PPP3R1: variants seen among roughly 807,000 people sequenced by gnomAD.
PPP3R1 encodes calcineurin subunit B type 1.
PPP3R1 carries 5 observed loss-of-function variants against 22.6 expected under a neutral mutation model. The ratio of observed to expected loss-of-function variants is 0.22; its 90% CI spans 0.12 to 0.46. PPP3R1 has a LOEUF of 0.46. PPP3R1 is among the 20% of genes least tolerant of loss of function. PPP3R1 has a pLI of 0.99. For missense variants in PPP3R1, 61 were observed against 203.2 expected, an observed-to-expected ratio of 0.30 and a Z score of 4.25; for synonymous variants, 56 against 65.2, an observed-to-expected ratio of 0.86 and a Z score of 0.68.
rs951794466 is a variant in PPP3R1, at chr2:68,188,565, G to A, written c.169C>T (p.Arg57Ter). 6.2e-7 allele frequency: 1 copy of A among 1,611,496 alleles called. No individual in the cohort carries two copies. Among genetic ancestry groups the A allele is most frequent in the Non-Finnish European group, 8.5e-7 (1 of 1,178,932 alleles). Residue 57 changes from arginine (R) to a stop codon, truncating the protein, a stop_gained, in exon 3 of 6, where the codon CGA (arginine) becomes TGA (stop). Coordinates refer to ENST00000234310, the MANE Select transcript of PPP3R1 (RefSeq NM_000945.4). LOFTEE classifies it high-confidence loss of function. ...TCTGTGTCGAATATATCTATTACTC[G>A]CTGTACTAAAGGATTCTGTTGTAAC... ...PELQQNPLVQRVIDIFDTDGN... is the reference protein window; with the variant it reads ...PELQQNPLVQ
Position 68,180,697 on chromosome 2 carries a change from A to G in PPP3R1, c.*266T>C, listed in dbSNP as rs1265119559. 3.1e-6 allele frequency: 1 copy of G among 317,894 alleles called. No individual in the cohort carries two copies. Among genetic ancestry groups the G allele is most frequent in the Admixed American group, 4.7e-5 (1 of 21,396 alleles). The allele number at this position is 317,894 out of a possible 1,614,324, so 19.7% of individuals were successfully genotyped here. The stretch of plus-strand genomic sequence containing the variant: ...AAAAGATGAAGAAAAATAAATTAAA[A>G]AGCCAACCCCTTCCCTTTCTCCACC... On this transcript the variant is annotated 3_prime_UTR_variant, in exon 6 of 6. Coordinates refer to ENST00000234310, the MANE Select transcript of PPP3R1 (RefSeq NM_000945.4).
At chr2:68,201,784 C>T (rs1356841383) in intron 2 of PPP3R1, among the ~76,000 whole-genome samples, 11 of 152,114 alleles carry the variant, frequency 7.2e-5, no homozygotes, top group African/African-American at 1.7e-4. Flanking sequence ...TTAGAAACTC[C>T]GAACTTTGAA....
chr2:68,190,170 AAGG>A (rs1202226875), intron 2 of PPP3R1, among the ~76,000 whole-genome samples: 1 of 149,318 alleles, frequency 6.7e-6, no homozygotes, highest in Non-Finnish European at 1.5e-5. Context: ...CGTAAAGAGG[AAGG>A]AGAGTAGTAT....
chr2:68,234,128 G>C (rs1302927786), intron 1 of PPP3R1, among the ~76,000 whole-genome samples: 3 of 152,258 alleles, frequency 2.0e-5, no homozygotes, highest in Middle Eastern at 3.4e-3. Context: ...CAGATCACGA[G>C]GTCAGGAGAT....
chr2:68,196,358 A>C (rs1423454568), intron 2 of PPP3R1, among the ~76,000 whole-genome samples: 2 of 152,170 alleles, frequency 1.3e-5, no homozygotes, highest in Non-Finnish European at 2.9e-5. Flanking sequence ...AGCTCCAAAA[A>C]AATTTTCCAG....
At position 68,252,443 on chromosome 2, in the gene PPP3R1, G is replaced by T; in HGVS notation, c.-316C>A. On this transcript the variant is annotated 5_prime_UTR_variant, in exon 1 of 6. Transcript: ENST00000234310. ...AGGGGGAGAGGGGGCGAAGACGGCC[G>T]GGAAACTCGGGGGCTGCAGCCTCGC... 1.0e-6 allele frequency: 1 copy of T among 992,302 alleles called. No homozygotes were observed. Among genetic ancestry groups the T allele is most frequent in the Non-Finnish European group, 1.2e-6 (1 of 835,148 alleles). 61.5% of individuals were successfully genotyped at this position (992,302 alleles called of 1,614,324 possible). A position where few individuals can be genotyped will look rare whatever the true frequency, so the allele number is the denominator to read the frequency against.
intron 1 of PPP3R1, among the ~76,000 whole-genome samples, chr2:68,232,122 T>TACACACACACAAAC (rs1165774321): frequency 2.1e-5 from 1 of 48,178 alleles, no homozygotes; most frequent in East Asian, 6.4e-4. Context: ...TATATATATA[T>TACACACACACAAAC]ATACACACAC....
chr2:68,210,250 T>C (rs1669453207), intron 2 of PPP3R1, among the ~76,000 whole-genome samples: 1 of 152,220 alleles, frequency 6.6e-6, no homozygotes, highest in Non-Finnish European at 1.5e-5. Flanking sequence ...CAAAAGATCT[T>C]ATTATTTCTC....
At chr2:68,235,528 A>C (rs1670002937) in intron 1 of PPP3R1, among the ~76,000 whole-genome samples, 1 of 152,232 alleles carries the variant, frequency 6.6e-6, no homozygotes. Context: ...ATGTGTTGTA[A>C]CAAGTATCAA....
chr2:68,200,961 T>C (rs1298919638), intron 2 of PPP3R1, among the ~76,000 whole-genome samples: 2 of 152,218 alleles, frequency 1.3e-5, no homozygotes, highest in African/African-American at 2.4e-5. Context: ...GTATTCATAA[T>C]ATGATACAAA....
chr2:68,211,464 C>T (rs1196461753), intron 2 of PPP3R1, among the ~76,000 whole-genome samples: 1 of 149,964 alleles, frequency 6.7e-6, no homozygotes, highest in South Asian at 2.1e-4. Context: ...CCTGAGCTTT[C>T]AGTGAGTTGT....
intron 1 of PPP3R1, among the ~76,000 whole-genome samples, chr2:68,225,664 C>T (rs1041149280): frequency 1.3e-5 from 2 of 152,258 alleles, no homozygotes; most frequent in Middle Eastern, 6.8e-3. Flanking sequence ...GAATTTGTTA[C>T]ACAGCAACAG....
intron 2 of PPP3R1, among the ~76,000 whole-genome samples, chr2:68,213,349 T>C (rs1669520144): frequency 6.6e-6 from 1 of 152,170 alleles, no homozygotes; most frequent in African/African-American, 2.4e-5. Flanking sequence ...TGTAGGGTTA[T>C]TAACTAGCCT....
chr2:68,224,996 T>C (rs1435164883), intron 1 of PPP3R1, among the ~76,000 whole-genome samples: 4 of 152,238 alleles, frequency 2.6e-5, no homozygotes, highest in African/African-American at 4.8e-5. Context: ...GATATTACTA[T>C]ACAGGCAACT....
chr2:68,252,006 G>C, intron 1 of PPP3R1, 119 bp downstream of exon 1: 2 of 1,065,328 alleles, frequency 1.9e-6, no homozygotes, highest in Non-Finnish European at 2.4e-6. Flanking sequence ...GCCGGGCCCG[G>C]GTCTCTGGAA....
chr2:68,249,895 A>G (rs1337291637), intron 1 of PPP3R1, among the ~76,000 whole-genome samples: 1 of 152,216 alleles, frequency 6.6e-6, no homozygotes, highest in Non-Finnish European at 1.5e-5. Context: ...AAATAATAAG[A>G]GTTCTAAGAG....
Position 68,210,477 on chromosome 2 carries a change from TA to T in PPP3R1, c.43+6614del, listed in dbSNP as rs554071611. Among the ~76,000 whole-genome samples the T allele has an allele frequency of 2.0e-5, 3 of 152,208 alleles. No individual in the cohort carries two copies. The South Asian group carries it at 6.2e-4, about 31-fold the overall frequency. On this transcript the variant is annotated intron_variant, in intron 2 of 5. Coordinates refer to ENST00000234310, the MANE Select transcript of PPP3R1 (RefSeq NM_000945.4). The stretch of plus-strand genomic sequence containing the variant: ...AACTTTATTTTACGCAACCATAAAA[TA>T]AGTTAATGTTCCAATTTGTTCATGA...
chr2:68,181,609 T>TTC (rs1553403288), intron 5 of PPP3R1, among the ~76,000 whole-genome samples: 4 of 150,964 alleles, frequency 2.6e-5, no homozygotes, highest in African/African-American at 9.8e-5. Flanking sequence ...TTTTTTTTTT[T>TTC]CAAAACAACA....
chr2:68,230,002 A>ACACG (rs1669863090), intron 1 of PPP3R1, among the ~76,000 whole-genome samples: 1 of 151,014 alleles, frequency 6.6e-6, no homozygotes, highest in Non-Finnish European at 1.5e-5. Context: ...ACACACACAC[A>ACACG]CACACACACA....
Sources: allele counts gnomAD v4.1 joint callset (sites outside exome capture counted in the v4.1 genomes callset), GRCh38; gene constraint gnomAD v4.1.1; transcripts MANE v1.5; gene names NCBI Gene and HGNC (gene_info 2026-07-23, HGNC 2026-07-21).